Variants in COL19A1 observed in about 807,000 individuals in gnomAD.
COL19A1 encodes collagen alpha-1(XIX) chain.
A neutral mutation model predicts 190.2 loss-of-function variants in COL19A1; 159 were observed. The ratio of observed to expected loss-of-function variants is 0.84; its 90% confidence interval spans 0.73 to 0.95. The LOEUF (loss-of-function observed/expected upper bound fraction) is 0.95, where lower values mean the gene tolerates loss of function less well. COL19A1 is among the 40% of genes least tolerant of loss of function. COL19A1 has a pLI of 0.00. For synonymous variants in COL19A1, 509 were observed against 458.9 expected (o/e 1.11, Z -1.39); for missense variants, 1,418 against 1,431.9 (o/e 0.99, Z 0.16).
chr6:70,168,108 T>C (rs1165390341), intron 38 of COL19A1, 33 bp downstream of exon 38: 1 of 1,594,634 alleles, frequency 6.3e-7, no homozygotes, highest in Non-Finnish European at 8.6e-7. Flanking sequence ...AAAATCCAGT[T>C]ATAGACTGCT....
At chr6:70,054,954 G>A (rs929433994) in intron 14 of COL19A1, among the ~76,000 whole-genome samples, 3 of 151,840 alleles carry the variant, frequency 2.0e-5, no homozygotes, top group Admixed American at 6.6e-5. Context: ...CCTATATAGG[G>A]GAAAAAATAC....
intron 27 of COL19A1, among the ~76,000 whole-genome samples, chr6:70,148,037 A>G (rs9454993): frequency 0.49 from 74,369 of 151,816 alleles, 18,958 homozygotes; most frequent in African/African-American, 0.62. Flanking sequence ...TAGGAGCTTC[A>G]GTCCCCACGG....
At chr6:69,935,944 G>A (rs1231603945) in intron 7 of COL19A1, among the ~76,000 whole-genome samples, 1 of 151,972 alleles carries the variant, frequency 6.6e-6, no homozygotes, top group Non-Finnish European at 1.5e-5. Context: ...TAATATTTTA[G>A]TTTTGTATCC....
At chr6:70,003,633 C>G (rs1777415848) in intron 11 of COL19A1, among the ~76,000 whole-genome samples, 1 of 151,704 alleles carries the variant, frequency 6.6e-6, no homozygotes, top group Admixed American at 6.6e-5. Context: ...TAATGCCCTT[C>G]TTTGTCTTTT....
chr6:70,093,781 A>G (rs538421247), intron 15 of COL19A1, among the ~76,000 whole-genome samples: 1 of 152,302 alleles, frequency 6.6e-6, no homozygotes, highest in East Asian at 1.9e-4. Flanking sequence ...CATTTATTGA[A>G]CTGTAGCTCA....
chr6:70,032,882 G>A (rs1302079588), intron 12 of COL19A1, among the ~76,000 whole-genome samples: 1 of 152,036 alleles, frequency 6.6e-6, no homozygotes, highest in Non-Finnish European at 1.5e-5. Flanking sequence ...TCCTTCAAGT[G>A]TTTACAATAT....
rs139888432 is a variant in COL19A1, at chr6:70,097,244, A to G, written c.1225-4925A>G. Among the ~76,000 whole-genome samples the G allele has an allele frequency of 1.1e-3, 172 of 152,278 alleles. 1 individual carries two copies. The highest frequency in any genetic ancestry group is 4.0e-3 in the African/African-American group (165 of 41,556). ...AAAGAGCTTTTTAAAGCTATTTTTTATTGAGACAGGATCCATGCTGGTCTT... is the reference window on the plus strand; with the variant it reads ...AAAGAGCTTTTTAAAGCTATTTTTTGTTGAGACAGGATCCATGCTGGTCTT... On this transcript the variant is annotated intron_variant, in intron 15 of 50. Coordinates refer to ENST00000620364, the MANE Select transcript of COL19A1 (RefSeq NM_001858.6).
intron 2 of COL19A1, among the ~76,000 whole-genome samples, chr6:69,881,143 TG>T (rs761865302): frequency 4.6e-5 from 7 of 152,198 alleles, no homozygotes; most frequent in Non-Finnish European, 8.8e-5. Context: ...CAGGTCGTAC[TG>T]GGGTGGGATT....
intron 4 of COL19A1, among the ~76,000 whole-genome samples, chr6:69,921,776 A>T (rs1299372534): frequency 6.7e-6 from 1 of 150,058 alleles, no homozygotes; most frequent in Non-Finnish European, 1.5e-5. Context: ...TCGTATATGT[A>T]TATTCGTATG....
At chr6:69,974,394 G>T (rs2150058185) in intron 11 of COL19A1, among the ~76,000 whole-genome samples, 1 of 152,276 alleles carries the variant, frequency 6.6e-6, no homozygotes, top group African/African-American at 2.4e-5. Flanking sequence ...GCTTCAGCTG[G>T]CTGTATTCCA....
chr6:69,873,511 C>T lies in COL19A1; in HGVS notation c.-32-6025C>T, dbSNP rs575486110. ...AACTTTGGTTTAGGCCAGAGGCCAACTCATCCCATATCACCTGCTCTGTTA... is the reference window on the plus strand; with the variant it reads ...AACTTTGGTTTAGGCCAGAGGCCAATTCATCCCATATCACCTGCTCTGTTA... On this transcript the variant is annotated intron_variant, in intron 1 of 50. Transcript: ENST00000620364. 1.2e-4 allele frequency among the ~76,000 whole-genome samples: 18 copies of T among 152,350 alleles called. No homozygotes were observed. The South Asian group carries it at 3.7e-3, about 32-fold the overall frequency.
At chr6:70,053,572 AT>A (rs1159137651) in intron 14 of COL19A1, among the ~76,000 whole-genome samples, 2 of 152,192 alleles carry the variant, frequency 1.3e-5, no homozygotes, top group Admixed American at 1.3e-4. Context: ...AGTCCATAAA[AT>A]TAGGTAGTTC....
At chr6:70,155,165 A>C (rs935016136) in intron 31 of COL19A1, among the ~76,000 whole-genome samples, 3 of 152,146 alleles carry the variant, frequency 2.0e-5, no homozygotes, top group Admixed American at 6.6e-5. Context: ...CATTAGGTCA[A>C]AAATATTGAA....
chr6:70,199,950 T>TA, intron 49 of COL19A1: 1 of 460,926 alleles, frequency 2.2e-6, no homozygotes, highest in South Asian at 2.3e-5. Flanking sequence ...ACTTCAAATT[T>TA]AAAACCAAAT....
chr6:70,045,071 A>G (rs202032030), intron 14 of COL19A1, among the ~76,000 whole-genome samples: 4 of 151,932 alleles, frequency 2.6e-5, no homozygotes, highest in African/African-American at 9.7e-5. Flanking sequence ...CCAGCACTTT[A>G]GGAGGCCGAG....
At position 70,118,969 on chromosome 6, in the gene COL19A1, C is replaced by CAT. The variant is rs1784736146; in HGVS notation, c.1279-2908_1279-2907dup. Among the ~76,000 whole-genome samples the CAT allele has an allele frequency of 2.6e-5, 4 of 152,326 alleles. No individual in the cohort carries two copies. The South Asian group carries it at 8.3e-4, about 32-fold the overall frequency. On this transcript the variant is annotated intron_variant, in intron 16 of 50. Coordinates refer to ENST00000620364, the MANE Select transcript of COL19A1 (RefSeq NM_001858.6). ...ATGAAATACAGCTATCTTCTGTGTG[C>CAT]ATATGACCAGTCTGTAAAGGATCAT... is the stretch of plus-strand genomic sequence containing the variant.
At chr6:69,867,471 C>T (rs1767540152) in intron 1 of COL19A1, 1 of 152,558 alleles carries the variant, frequency 6.6e-6, no homozygotes, top group South Asian at 1.9e-4. Context: ...CTGTCAGAGT[C>T]CCGAGGCCAC....
At chr6:70,187,947 C>T (rs1381695860) in intron 46 of COL19A1, 128 bp from the exon 47 acceptor site, 1 of 1,075,178 alleles carries the variant, frequency 9.3e-7, no homozygotes, top group Non-Finnish European at 1.3e-6. Context: ...GGCTAGGACA[C>T]AGAGAGTTTA....
At chr6:69,897,449 T>G (rs1272094740) in intron 2 of COL19A1, among the ~76,000 whole-genome samples, 1 of 138,204 alleles carries the variant, frequency 7.2e-6, no homozygotes, top group African/African-American at 2.8e-5. Flanking sequence ...AGAATCAGCT[T>G]GTCAGTTTTA....
Sources: gnomAD v4.1 joint callset for allele counts (sites outside exome capture counted in the v4.1 genomes callset) on GRCh38, gnomAD v4.1.1 for gene constraint, MANE v1.5 for transcripts, NCBI Gene and HGNC (gene_info 2026-07-23, HGNC 2026-07-21) for gene names.